Variants in PLCD3 observed in about 807,000 individuals in gnomAD.
PLCD3 encodes the protein 1-phosphatidylinositol 4,5-bisphosphate phosphodiesterase delta-3.
A neutral mutation model predicts 82.8 loss-of-function variants in PLCD3; 62 were observed. That is an observed-to-expected ratio of 0.75 (90% confidence interval 0.61 to 0.93). The LOEUF (loss-of-function observed/expected upper bound fraction) is 0.93. Ranked by LOEUF, PLCD3 falls within the 40% of genes least tolerant of loss-of-function variation. The probability of loss-of-function intolerance (pLI) is 0.00; values close to 1 mark genes in which losing one functional copy is unlikely to be tolerated. For missense variants in PLCD3, 1,023 were observed against 1,103.4 expected (o/e 0.93, Z 1.03); for synonymous variants, 478 against 471.8 (o/e 1.01, Z -0.17).
chr17:45,115,715 A>G, intron 8 of PLCD3: 1 of 543,170 alleles, frequency 1.8e-6, no homozygotes, highest in South Asian at 2.6e-5. Context: ...GAATATACAC[A>G]GCAGCCACTA....
rs2054224875 is a variant in PLCD3, at chr17:45,109,280, A to C, written c.*3336T>G. On this transcript the variant is annotated 3_prime_UTR_variant, in exon 15 of 15. Transcript: ENST00000619929. ...AGCAGCAACTGGGCTCTCAGCCAGC[A>C]CCTGAGCACCTCAGCACAGGAGCCG... 6.6e-6 allele frequency: 1 copy of C among 152,328 alleles called. No homozygotes were observed. 9.4% of individuals were successfully genotyped at this position (152,328 alleles called of 1,614,324 possible).
rs992812103 is a variant in PLCD3 at position 45,112,193 on chromosome 17, C to T, written c.*423G>A. 3 of 192,330 alleles carry T rather than the reference C, an allele frequency of 1.6e-5. No individual in the cohort carries two copies. The highest frequency in any genetic ancestry group is 4.7e-5 in the African/African-American group (2 of 42,220). The allele number at this position is 192,330 out of a possible 1,614,324, so 11.9% of individuals were successfully genotyped here. A position where few individuals can be genotyped will look rare whatever the true frequency, so the allele number is the denominator to read the frequency against. Reference sequence around the variant, plus strand: ...TAAAGGAGGGCTTAGGGGCTAAGCTCGGGGTCGGGGCCAAGTGGAGTGACT... The same window carrying T: ...TAAAGGAGGGCTTAGGGGCTAAGCTTGGGGTCGGGGCCAAGTGGAGTGACT... On this transcript the variant is annotated 3_prime_UTR_variant, in exon 15 of 15. Transcript: ENST00000619929.
Position 45,113,471 on chromosome 17 carries a change from G to T in PLCD3, c.1963C>A (p.Pro655Thr). Residue 655 changes from proline to threonine, a missense_variant, in exon 12 of 15, where the codon CCA becomes ACA. Coordinates refer to ENST00000619929, the MANE Select transcript of PLCD3 (RefSeq NM_133373.5). ...QPDSTFDPEY[P>T]GPPRTTLSIQ... ...CTGAGAGTGGTTCTGGGAGGTCCTG[G>T]GTACTCGGGGTCAAAGGTCGAGTCA... The T allele has an allele frequency of 8.1e-6, 13 of 1,595,440 alleles. No individual in the cohort carries two copies. The highest frequency in any genetic ancestry group is 1.1e-5 in the Non-Finnish European group (13 of 1,171,206).
At position 45,109,606 on chromosome 17, in the gene PLCD3, C is replaced by T. The variant is rs2054226438; in HGVS notation, c.*3010G>A. On this transcript the variant is annotated 3_prime_UTR_variant, in exon 15 of 15. Transcript: ENST00000619929. ...ATGACTGGTGCCTCCAAGCCCCTTT[C>T]CAGGGAAACTGAGAGGACACAGGAC... The T allele has an allele frequency of 6.6e-6, 1 of 152,366 alleles. No homozygotes were observed. Among genetic ancestry groups the T allele is most frequent in the Non-Finnish European group, 1.5e-5 (1 of 68,144 alleles). 9.4% of individuals were successfully genotyped at this position (152,366 alleles called of 1,614,324 possible).
intron 1 of PLCD3, among the ~76,000 whole-genome samples, chr17:45,124,428 C>A (rs2143582743): frequency 6.6e-6 from 1 of 152,356 alleles, no homozygotes; most frequent in Non-Finnish European, 1.5e-5. Flanking sequence ...AAACACACAC[C>A]CAGTGGAAAA....
At chr17:45,119,610 G>C (rs1216791102) in intron 4 of PLCD3, among the ~76,000 whole-genome samples, 1 of 152,238 alleles carries the variant, frequency 6.6e-6, no homozygotes, top group Non-Finnish European at 1.5e-5. Flanking sequence ...CAGGAATCAA[G>C]ATGTGGAAGG....
chr17:45,117,872 T>C, intron 7 of PLCD3, 122 bp downstream of exon 7: 1 of 1,331,348 alleles, frequency 7.5e-7, no homozygotes. Flanking sequence ...CAGCACTTGG[T>C]GAATGAATGA....
In PLCD3 at chr17:45,112,695, T is replaced by C; in HGVS notation, c.2291A>G (p.His764Arg). The C allele has an allele frequency of 6.2e-7, 1 of 1,605,506 alleles. No homozygotes were observed. The highest frequency in any genetic ancestry group is 8.5e-7 in the Non-Finnish European group (1 of 1,176,316). Residue 764 changes from histidine (H) to arginine (R), a missense_variant, in exon 15 of 15, where the codon CAC (histidine) becomes CGC (arginine). Physicochemically the swap from His to Arg is conservative, Grantham distance 29 (BLOSUM62 0). This residue lies in a region of PLCD3 where 553 missense variants were observed against 655.7 expected (regional missense o/e 0.84). Transcript: ENST00000619929. ...CCCGTCCTTGGAAAGCAGGTGTATG[T>C]GGCGGTACCCTGTAGGGAGGACAGC... ...PLSSLKQGYR[H>R]IHLLSKDGAS...
Position 45,116,916 on chromosome 17 carries a change from T to G in PLCD3, c.1261-132A>C, listed in dbSNP as rs772523811. The G allele has an allele frequency of 6.0e-6, 7 of 1,173,502 alleles. No homozygotes were observed. In the East Asian group the frequency reaches 1.8e-4, roughly 29 times the overall value. The allele number at this position is 1,173,502 out of a possible 1,614,324, so 72.7% of individuals were successfully genotyped here. ...TGGAGAACCCAGGGAAGCAGCAGAC[T>G]GTCCAGGAGGCTGAGGGCGGCTGCA... On this transcript the variant is annotated intron_variant, in intron 7 of 14. Coordinates refer to ENST00000619929, the MANE Select transcript of PLCD3 (RefSeq NM_133373.5).
At position 45,110,363 on chromosome 17, in the gene PLCD3, G is replaced by A. The variant is rs1215825979; in HGVS notation, c.*2253C>T. 1 of 151,378 alleles carries A rather than the reference G, an allele frequency of 6.6e-6. No individual in the cohort carries two copies. Among genetic ancestry groups the A allele is most frequent in the Non-Finnish European group, 1.5e-5 (1 of 68,096 alleles). 9.4% of individuals were successfully genotyped at this position (151,378 alleles called of 1,614,324 possible). On this transcript the variant is annotated 3_prime_UTR_variant, in exon 15 of 15. Coordinates refer to ENST00000619929, the MANE Select transcript of PLCD3 (RefSeq NM_133373.5). Reference sequence around the variant, plus strand: ...GGAGGCTGAGGCAAGAGAATCGCTTGAACCCGGGAGGCAGAGGTTGCAGTG... The same window carrying A: ...GGAGGCTGAGGCAAGAGAATCGCTTAAACCCGGGAGGCAGAGGTTGCAGTG...
intron 1 of PLCD3, 65 bp from the exon 2 acceptor site, chr17:45,121,437 C>A (rs534433691): frequency 7.0e-6 from 10 of 1,426,992 alleles, no homozygotes; most frequent in Middle Eastern, 2.5e-4. Context: ...TGCCCTCCCC[C>A]GCTAGGACCT....
rs1207453371 is a variant in PLCD3, at chr17:45,109,525, C to G, written c.*3091G>C. 4 of 152,334 alleles carry G rather than the reference C, an allele frequency of 2.6e-5. No homozygotes were observed. The highest frequency in any genetic ancestry group is 2.0e-4 in the Admixed American group (3 of 15,282). 9.4% of individuals were successfully genotyped at this position (152,334 alleles called of 1,614,324 possible). On this transcript the variant is annotated 3_prime_UTR_variant, in exon 15 of 15. Transcript: ENST00000619929. ...CTGTGTTTAAGACTTCCCATTCCCC[C>G]TCTTCTCATCCTCTGGAACTTACCC...
intron 13 of PLCD3, 40 bp from the exon 14 acceptor site, chr17:45,113,052 G>A (rs1362268493): frequency 1.2e-6 from 2 of 1,603,700 alleles, no homozygotes; most frequent in African/African-American, 2.7e-5. Context: ...AGGGGCCCCA[G>A]GACCCACCCT....
intron 8 of PLCD3, chr17:45,115,711 A>C: frequency 1.8e-6 from 1 of 549,206 alleles, no homozygotes; most frequent in Non-Finnish European, 3.3e-6. Flanking sequence ...ATCAGAATAT[A>C]CACAGCAGCC....
intron 1 of PLCD3, among the ~76,000 whole-genome samples, chr17:45,127,254 CA>C (rs2054388518): frequency 6.6e-6 from 1 of 152,214 alleles, no homozygotes; most frequent in Non-Finnish European, 1.5e-5. Flanking sequence ...CCATGGCCTC[CA>C]GGGGGTACCT....
At position 45,115,457 on chromosome 17, in the gene PLCD3, T is replaced by G. The variant is rs772586357; in HGVS notation, c.1447A>C (p.Lys483Gln). 1.2e-5 allele frequency: 19 copies of G among 1,611,940 alleles called. No individual in the cohort carries two copies. Among genetic ancestry groups the G allele is most frequent in the Non-Finnish European group, 1.6e-5 (19 of 1,179,350 alleles). Residue 483 changes from lysine to glutamine, a missense_variant, in exon 9 of 15, where the codon AAG becomes CAG. Lys to Gln is a moderately conservative substitution (Grantham distance 53, BLOSUM62 1). This residue lies in a region of PLCD3 where 553 missense variants were observed against 655.7 expected (regional missense o/e 0.84). Transcript: ENST00000619929. The stretch of plus-strand genomic sequence containing the variant: ...TCCTCGCTCCGAGCAGCGGGCAACT[T>G]CTTTCCCTTCACCAGGACCCGGCCC... ...LKGRVLVKGK[K>Q]LPAARSEDGR...
chr17:45,128,125 G>C (rs982041391), intron 1 of PLCD3, among the ~76,000 whole-genome samples: 1 of 152,148 alleles, frequency 6.6e-6, no homozygotes, highest in African/African-American at 2.4e-5. Context: ...CATGTCCCCC[G>C]TGACCCAGCT....
chr17:45,110,184 CT>C lies in PLCD3; in HGVS notation c.*2431del, dbSNP rs1233208883. 6.6e-6 allele frequency: 1 copy of C among 152,020 alleles called. No homozygotes were observed. Among genetic ancestry groups the C allele is most frequent in the African/African-American group, 2.4e-5 (1 of 41,364 alleles). 9.4% of individuals were successfully genotyped at this position (152,020 alleles called of 1,614,324 possible). ...TTTGGCTGGGTGCAGTGGCTCACGC[CT>C]GTAATCCCAGCACTTTGGGAGGTCA... On this transcript the variant is annotated 3_prime_UTR_variant, in exon 15 of 15. Transcript: ENST00000619929.
At chr17:45,124,651 C>T (rs918991155) in intron 1 of PLCD3, among the ~76,000 whole-genome samples, 1 of 152,248 alleles carries the variant, frequency 6.6e-6, no homozygotes, top group Non-Finnish European at 1.5e-5. Flanking sequence ...CCGTGGCTCT[C>T]CATCCAGCCA....
Sources: allele counts gnomAD v4.1 joint callset (sites outside exome capture counted in the v4.1 genomes callset), GRCh38; gene constraint gnomAD v4.1.1; regional missense constraint gnomAD v4.1.1; transcripts MANE v1.5; gene names NCBI Gene and HGNC (gene_info 2026-07-23, HGNC 2026-07-21).